Variants in IGFN1 observed in about 807,000 individuals in gnomAD.
The protein encoded by IGFN1 is immunoglobulin-like and fibronectin type III domain-containing protein 1.
A neutral mutation model predicts 289.5 loss-of-function variants in IGFN1; 253 were observed. The observed-to-expected ratio is 0.87, with a 90% CI of 0.79 to 0.97. The LOEUF is 0.97. Ranked by LOEUF, IGFN1 falls within the 50% of genes least tolerant of loss-of-function variation. The pLI, the probability that IGFN1 is intolerant of heterozygous loss-of-function variation, is 0.00. For synonymous variants in IGFN1, 1,706 were observed against 1,788.5 expected (o/e 0.95, Z 1.16); for missense variants, 4,470 against 4,686.1 (o/e 0.95, Z 1.35).
rs1667539737 is a variant in IGFN1, at chr1:201,208,365, GC to G, written c.3473del (p.Ala1158GlufsTer153). The stretch of plus-strand genomic sequence containing the variant: ...AGCCATGGGACCAGGGTCTCTGAGG[GC>G]AGGAAGCAAAGTGGGTGAGGGGGAT... Reference protein sequence around the residue: ...PGAMGPGSLRAGSKVGEGDGT... With the variant: ...PGAMGPGSLRXGSKVGEGDGT... On this transcript the variant is annotated frameshift_variant, in exon 12 of 24. Transcript: ENST00000335211. LOFTEE classifies it high-confidence loss of function. The G allele has an allele frequency of 6.8e-7, 1 of 1,462,410 alleles. No homozygotes were observed. The highest frequency in any genetic ancestry group is 2.7e-5 in the Admixed American group (1 of 36,692). The allele number at this position is 1,462,410 out of a possible 1,614,324, so 90.6% of individuals were successfully genotyped here.
At chr1:201,214,133 G>A (rs370026499) in intron 12 of IGFN1, 44 bp from the exon 13 acceptor site, 5 of 1,555,046 alleles carry the variant, frequency 3.2e-6, no homozygotes, top group Non-Finnish European at 4.3e-6. Flanking sequence ...GCAGGCCATG[G>A]CCTGGGGCGC....
Position 201,206,389 on chromosome 1 carries a change from G to C in IGFN1, c.1496G>C (p.Arg499Thr). The change falls in exon 12 of 24, where the codon AGA becomes ACA. Residue 499 changes from arginine to threonine, a missense_variant. Transcript: ENST00000335211. ...GEGFPVAEGSRATLPRENQSH... is the reference protein window; with the variant it reads ...GEGFPVAEGSTATLPRENQSH... ...GGCTTTCCAGTAGCAGAGGGAAGCAGAGCCACTCTTCCCAGGGAAAATCAA... is the reference window on the plus strand; with the variant it reads ...GGCTTTCCAGTAGCAGAGGGAAGCACAGCCACTCTTCCCAGGGAAAATCAA... The C allele has an allele frequency of 6.4e-7, 1 of 1,550,760 alleles. No individual in the cohort carries two copies. Among genetic ancestry groups the C allele is most frequent in the Non-Finnish European group, 8.7e-7 (1 of 1,146,992 alleles).
chr1:201,210,831 T>C lies in IGFN1; in HGVS notation c.5938T>C (p.Phe1980Leu). ...AATGGGTTCAGGGAGTAAGGAAGGT[T>C]TCAGGGATGGTTTAGGGGGTTCTGA... ...KGMGSGSKEG[F>L]RDGLGGSEEM... Residue 1980 changes from phenylalanine (F) to leucine (L), a missense_variant, in exon 12 of 24, where the codon TTC becomes CTC. Physicochemically the swap from Phe to Leu is conservative, Grantham distance 22 (BLOSUM62 0). Coordinates refer to ENST00000335211, the MANE Select transcript of IGFN1 (RefSeq NM_001164586.2). 6.5e-7 allele frequency: 1 copy of C among 1,532,518 alleles called. No individual in the cohort carries two copies. The allele number at this position is 1,532,518 out of a possible 1,614,324, so 94.9% of individuals were successfully genotyped here.
rs758304671 is a variant in IGFN1, at chr1:201,215,090, C to A, written c.8931C>A (p.Thr2977=). Reference sequence around the variant, plus strand: ...TCTTCATCACGCATGTGCAGGGGACCCAAGCTGGGAGGTACACCTTTGTAG... The same window carrying A: ...TCTTCATCACGCATGTGCAGGGGACACAAGCTGGGAGGTACACCTTTGTAG... ...HSLFITHVQG[T]QAGRYTFVAG... is the part of the protein sequence containing the mutation. Residue 2977 remains threonine (T), a synonymous_variant, in exon 14 of 24, where the codon ACC becomes ACA. Transcript: ENST00000335211. 4 of 1,614,038 alleles carry A rather than the reference C, an allele frequency of 2.5e-6. No homozygotes were observed. Among genetic ancestry groups the A allele is most frequent in the South Asian group, 1.1e-5 (1 of 91,074 alleles).
rs774107578 is a variant in IGFN1, at chr1:201,212,129, C to T, written c.7236C>T (p.Thr2412=). ...ATGGTCCAGAGCGAGCCAGGGAAACCAGGCTTGTGGATGGGGCAGGACCTG... is the reference window on the plus strand; with the variant it reads ...ATGGTCCAGAGCGAGCCAGGGAAACTAGGCTTGTGGATGGGGCAGGACCTG... The part of the protein sequence containing the change: ...SKDGPERARE[T]RLVDGAGPGV... The change falls in exon 12 of 24, where the codon ACC becomes ACT. Residue 2412 remains threonine, a synonymous_variant. Transcript: ENST00000335211. 6.5e-7 allele frequency: 1 copy of T among 1,536,364 alleles called. No homozygotes were observed. The highest frequency in any genetic ancestry group is 8.7e-7 in the Non-Finnish European group (1 of 1,146,798).
At chr1:201,199,004 T>C (rs1667032385) in intron 5 of IGFN1, among the ~76,000 whole-genome samples, 1 of 152,192 alleles carries the variant, frequency 6.6e-6, no homozygotes, top group South Asian at 2.1e-4. Context: ...CTTTAGATAC[T>C]CTTGAGTTTG....
chr1:201,194,449 T>G lies in IGFN1; in HGVS notation c.127+176T>G, dbSNP rs116787657. The stretch of plus-strand genomic sequence containing the variant: ...ATGTGCTTACCTGGAACCCTAGAAG[T>G]GACAAGAGGCCTGGGGAAAAGAGTG... On this transcript the variant is annotated intron_variant, in intron 3 of 23. Transcript: ENST00000335211. 2.3e-3 allele frequency among the ~76,000 whole-genome samples: 349 copies of G among 152,208 alleles called. 3 individuals are homozygous for G. The highest frequency in any genetic ancestry group is 8.0e-3 in the African/African-American group (332 of 41,516).
chr1:201,227,842 T>C (rs1422973666), intron 23 of IGFN1, among the ~76,000 whole-genome samples: 1 of 152,208 alleles, frequency 6.6e-6, no homozygotes, highest in Non-Finnish European at 1.5e-5. Context: ...CATTGCAGGC[T>C]GAGAGATGAA....
chr1:201,215,375 G>T (rs1015955929), intron 14 of IGFN1, among the ~76,000 whole-genome samples, 164 bp from the exon 15 acceptor site: 4 of 152,200 alleles, frequency 2.6e-5, no homozygotes, highest in Non-Finnish European at 5.9e-5. Context: ...TCTAAGCCTG[G>T]TCTCTTCTGC....
rs1436211713 is a variant in IGFN1 at position 201,213,667 on chromosome 1, G to A, written c.8728+46G>A. ...CTGGCTCCCATGGGCTAGAGACAGT[G>A]GGGAGCTCCCTGGCCACTGGGATGC... On this transcript the variant is annotated intron_variant, in intron 12 of 23. Coordinates refer to ENST00000335211, the MANE Select transcript of IGFN1 (RefSeq NM_001164586.2). The A allele has an allele frequency of 2.6e-6, 4 of 1,520,828 alleles. No homozygotes were observed. In the African/African-American group the frequency reaches 4.1e-5, roughly 16 times the overall value. The allele number at this position is 1,520,828 out of a possible 1,614,324, so 94.2% of individuals were successfully genotyped here.
At chr1:201,199,717 T>C in intron 7 of IGFN1, 63 bp downstream of exon 7, 1 of 1,429,258 alleles carries the variant, frequency 7.0e-7, no homozygotes, top group Non-Finnish European at 9.6e-7. Flanking sequence ...CCCTGCTATT[T>C]CCATAAGTAA....
intron 15 of IGFN1, chr1:201,216,216 T>G: frequency 1.7e-6 from 1 of 599,874 alleles, no homozygotes; most frequent in Non-Finnish European, 3.0e-6. Flanking sequence ...GGCTGGTGCA[T>G]TCCATGGCAC....
chr1:201,226,208 C>T lies in IGFN1; in HGVS notation c.10786+85C>T, dbSNP rs373134895. The T allele has an allele frequency of 5.7e-5, 79 of 1,389,422 alleles. No homozygotes were observed. The African/African-American group carries it at 6.5e-4, about 11-fold the overall frequency. The allele number at this position is 1,389,422 out of a possible 1,614,324, so 86.1% of individuals were successfully genotyped here. On this transcript the variant is annotated intron_variant, in intron 22 of 23. Transcript: ENST00000335211. ...GGGATGCACCCAAGCATGGCAAGCGCGCAGGATAGGGACTGTGGCAGGGAT... is the reference window on the plus strand; with the variant it reads ...GGGATGCACCCAAGCATGGCAAGCGTGCAGGATAGGGACTGTGGCAGGGAT...
intron 2 of IGFN1, among the ~76,000 whole-genome samples, chr1:201,193,644 G>T (rs900317904): frequency 6.6e-6 from 1 of 152,096 alleles, no homozygotes; most frequent in Non-Finnish European, 1.5e-5. Flanking sequence ...TAAAGGTGGG[G>T]TTTCACCATG....
At chr1:201,225,607 CA>C (rs1039080618) in intron 21 of IGFN1, among the ~76,000 whole-genome samples, 2 of 152,208 alleles carry the variant, frequency 1.3e-5, no homozygotes, top group African/African-American at 4.8e-5. Flanking sequence ...AACAAACAAA[CA>C]AACACACTGA....
chr1:201,205,848 G>GGGT (rs1360901951), intron 11 of IGFN1, among the ~76,000 whole-genome samples: 3 of 152,228 alleles, frequency 2.0e-5, no homozygotes, highest in African/African-American at 7.2e-5. Flanking sequence ...GCCTATAGCA[G>GGGT]GGTGGCCTGC....
Position 201,193,313 on chromosome 1 carries a change from C to A in IGFN1, c.7+13C>A. ...AGAACTATGGCAGGTAAGAGAAGAA[C>A]TAATCTCCCCTCCCCAGCCCTCCCT... On this transcript the variant is annotated intron_variant, in intron 2 of 23. Transcript: ENST00000335211. 3 of 1,538,728 alleles carry A rather than the reference C, an allele frequency of 1.9e-6. No individual in the cohort carries two copies. Among genetic ancestry groups the A allele is most frequent in the Non-Finnish European group, 2.6e-6 (3 of 1,134,928 alleles).
intron 8 of IGFN1, among the ~76,000 whole-genome samples, chr1:201,201,366 C>T (rs1667145622): frequency 6.6e-6 from 1 of 152,130 alleles, no homozygotes; most frequent in Non-Finnish European, 1.5e-5. Flanking sequence ...GGGTCTCAGC[C>T]TTCTCTCCTC....
At chr1:201,191,071 C>G (rs1393191817) in intron 1 of IGFN1, among the ~76,000 whole-genome samples, 164 bp downstream of exon 1, 1 of 152,188 alleles carries the variant, frequency 6.6e-6, no homozygotes, top group Non-Finnish European at 1.5e-5. Context: ...TGGGGTGCAC[C>G]TGTATCCCCT....
Sources: allele counts gnomAD v4.1 joint callset (sites outside exome capture counted in the v4.1 genomes callset), GRCh38; gene constraint gnomAD v4.1.1; transcripts MANE v1.5; gene names NCBI Gene and HGNC (gene_info 2026-07-23, HGNC 2026-07-21).